Variants in NYAP2 observed in about 807,000 individuals in gnomAD.
NYAP2 encodes neuronal tyrosine-phosphorylated phosphoinositide-3-kinase adapter 2.
A neutral mutation model predicts 50.4 loss-of-function variants in NYAP2; 23 were observed. That is an observed-to-expected ratio of 0.46 (90% confidence interval 0.33 to 0.65). NYAP2 has a LOEUF of 0.65. NYAP2 is among the 30% of genes least tolerant of loss of function. NYAP2 has a pLI of 0.02. For missense variants in NYAP2, 885 were observed against 861.0 expected (o/e 1.03, Z -0.35); for synonymous variants, 394 against 365.2 (o/e 1.08, Z -0.90).
chr2:225,698,277 C>T, the NYAP2 span: 1 of 152,234 alleles, frequency 6.6e-6, no homozygotes, highest in Admixed American at 6.6e-5. Flanking sequence ...TGCTTTCATT[C>T]CATTTTTTTC....
chr2:225,479,886 T>C (rs1046388850), intron 3 of NYAP2, among the ~76,000 whole-genome samples: 1 of 152,244 alleles, frequency 6.6e-6, no homozygotes, highest in Admixed American at 6.5e-5. Flanking sequence ...AGCATCTTTC[T>C]TAATGCAAAA....
At chr2:225,672,917 C>A in the NYAP2 span, among the ~76,000 whole-genome samples, 1 of 151,260 alleles carries the variant, frequency 6.6e-6, no homozygotes, top group African/African-American at 2.4e-5. Flanking sequence ...CAAGCAATTA[C>A]AATAGTGACA....
intron 4 of NYAP2, among the ~76,000 whole-genome samples, chr2:225,537,065 A>G (rs954865541): frequency 1.3e-5 from 2 of 152,184 alleles, no homozygotes; most frequent in African/African-American, 4.8e-5. Flanking sequence ...GGCGTGAGCC[A>G]CTGAGCCCGG....
intron 3 of NYAP2, among the ~76,000 whole-genome samples, chr2:225,490,539 A>C (rs927104673): frequency 9.2e-5 from 14 of 152,202 alleles, no homozygotes. Context: ...ATTAAATTTT[A>C]TAAGTAGCAG....
chr2:225,683,235 G>T, the NYAP2 span, among the ~76,000 whole-genome samples: 220 of 152,234 alleles, frequency 1.4e-3, no homozygotes, highest in African/African-American at 4.9e-3. Flanking sequence ...AGCCTAAGCT[G>T]GTCCCTATCT....
intron 4 of NYAP2, among the ~76,000 whole-genome samples, chr2:225,537,773 A>T (rs188619566): frequency 6.6e-6 from 1 of 152,312 alleles, no homozygotes; most frequent in African/African-American, 2.4e-5. Context: ...GTGTTAACTC[A>T]AAAGTCCACA....
intron 3 of NYAP2, among the ~76,000 whole-genome samples, chr2:225,502,723 T>A (rs530471888): frequency 1.4e-4 from 22 of 152,216 alleles, no homozygotes; most frequent in Non-Finnish European, 3.1e-4. Context: ...CATCTTCCCA[T>A]GGGGCTTCCC....
chr2:225,571,005 T>A (rs1442443615), intron 4 of NYAP2, among the ~76,000 whole-genome samples: 1 of 152,240 alleles, frequency 6.6e-6, no homozygotes, highest in Non-Finnish European at 1.5e-5. Flanking sequence ...ACAGGCCCCA[T>A]GCAAGTCCAA....
intron 4 of NYAP2, among the ~76,000 whole-genome samples, chr2:225,531,486 A>T (rs1169799321): frequency 6.6e-6 from 1 of 152,194 alleles, no homozygotes; most frequent in Non-Finnish European, 1.5e-5. Flanking sequence ...TATCCCAATG[A>T]GACTATACCT....
At chr2:225,445,388 A>C (rs1454536107) in intron 3 of NYAP2, among the ~76,000 whole-genome samples, 2 of 151,796 alleles carry the variant, frequency 1.3e-5, no homozygotes, top group Non-Finnish European at 1.5e-5. Context: ...TATCAATTGA[A>C]CATAAAAGTG....
chr2:225,617,422 T>G (rs1693007895), intron 5 of NYAP2, among the ~76,000 whole-genome samples: 1 of 151,248 alleles, frequency 6.6e-6, no homozygotes, highest in African/African-American at 2.4e-5. Context: ...AGAGTGAAAC[T>G]CTATCAAAAA....
intron 3 of NYAP2, among the ~76,000 whole-genome samples, chr2:225,440,565 G>C (rs542122137): frequency 6.6e-6 from 1 of 152,288 alleles, no homozygotes; most frequent in East Asian, 1.9e-4. Flanking sequence ...TGTAAAACAT[G>C]GGTTAGAGAG....
exon 7 of NYAP2, chr2:225,651,926 ATTTATCTACTTTGT>A (rs1444137754): frequency 5.6e-6 from 1 of 178,416 alleles, no homozygotes; most frequent in African/African-American, 2.4e-5. Flanking sequence ...TATTTGATAA[ATTTATCTACTTTGT>A]TTTATGTAGA....
At chr2:225,666,412 T>A in the NYAP2 span, among the ~76,000 whole-genome samples, 1 of 152,134 alleles carries the variant, frequency 6.6e-6, no homozygotes, top group Non-Finnish European at 1.5e-5. Context: ...TGAGAATATT[T>A]CCCCAGCGTG....
At chr2:225,697,137 T>C in the NYAP2 span, among the ~76,000 whole-genome samples, 1 of 151,936 alleles carries the variant, frequency 6.6e-6, no homozygotes, top group South Asian at 2.1e-4. Flanking sequence ...GCCGCCCTTG[T>C]GTGACAGACG....
chr2:225,679,962 T>A, the NYAP2 span, among the ~76,000 whole-genome samples: 1 of 152,196 alleles, frequency 6.6e-6, no homozygotes, highest in African/African-American at 2.4e-5. Flanking sequence ...TCACTTGTAA[T>A]ATATAGTCAT....
chr2:225,682,546 T>C, the NYAP2 span, among the ~76,000 whole-genome samples: 1 of 152,202 alleles, frequency 6.6e-6, no homozygotes, highest in African/African-American at 2.4e-5. Flanking sequence ...GAGTGGCTAA[T>C]GGATCTTAGT....
intron 4 of NYAP2, among the ~76,000 whole-genome samples, chr2:225,549,834 T>C (rs1237118541): frequency 6.6e-6 from 1 of 151,728 alleles, no homozygotes; most frequent in Non-Finnish European, 1.5e-5. Context: ...AAAATACAAA[T>C]ATTAGCTGGG....
chr2:225,610,311 G>T (rs1692858982), intron 5 of NYAP2, among the ~76,000 whole-genome samples: 3 of 151,966 alleles, frequency 2.0e-5, no homozygotes, highest in Non-Finnish European at 4.4e-5. Context: ...TTCTTGTTGG[G>T]TGCTCATGTG....
Sources: gnomAD v4.1 joint callset for allele counts (sites outside exome capture counted in the v4.1 genomes callset) on GRCh38, gnomAD v4.1.1 for gene constraint, MANE v1.5 for transcripts, NCBI Gene and HGNC (gene_info 2026-07-23, HGNC 2026-07-21) for gene names.